Variants in HDLBP observed in about 807,000 individuals in gnomAD.
HDLBP encodes high density lipoprotein binding protein.
HDLBP carries 30 observed loss-of-function variants against 137.3 expected under a neutral mutation model. The ratio of observed to expected loss-of-function variants is 0.22; its 90% CI spans 0.16 to 0.30. The LOEUF (loss-of-function observed/expected upper bound fraction) is 0.30, where lower values mean the gene tolerates loss of function less well. HDLBP is among the 10% of genes least tolerant of loss of function. The pLI is 1.00. For missense variants in HDLBP, 1,119 were observed against 1,667.3 expected, an observed-to-expected ratio of 0.67 and a Z score of 5.73; for synonymous variants, 606 against 596.0, an observed-to-expected ratio of 1.02 and a Z score of -0.24.
rs542053344 is a variant in HDLBP at position 241,292,291 on chromosome 2, T to C, written c.-103+23279A>G. 7.3e-5 allele frequency among the ~76,000 whole-genome samples: 11 copies of C among 150,640 alleles called. No homozygotes were observed. The South Asian group carries it at 2.3e-3, about 31-fold the overall frequency. On this transcript the variant is annotated intron_variant, in intron 1 of 27. Transcript: ENST00000310931. ...CACATTAGATAGTGCCACAACACAG[T>C]CAACCAAATCCCAAACCTGGGACGT...
chr2:241,241,454 C>T (rs181438767), intron 17 of HDLBP, among the ~76,000 whole-genome samples: 2 of 151,772 alleles, frequency 1.3e-5, no homozygotes, highest in Non-Finnish European at 2.9e-5. Flanking sequence ...GTGGTCCCAG[C>T]TACTCGGGAG....
At chr2:241,231,093 G>A in intron 24 of HDLBP, 149 bp from the exon 25 acceptor site, 1 of 686,760 alleles carries the variant, frequency 1.5e-6, no homozygotes. Context: ...GGTTAACAAT[G>A]TCCACTCAGG....
rs983201477 is a variant in HDLBP, at chr2:241,273,063, G to A, written c.-102-4522C>T. The A allele has an allele frequency of 7.9e-5, 78 of 985,380 alleles. 1 individual carries two copies. Among genetic ancestry groups the A allele is most frequent in the Admixed American group, 3.1e-4 (5 of 16,274 alleles). 61.0% of individuals were successfully genotyped at this position (985,380 alleles called of 1,614,324 possible). On this transcript the variant is annotated intron_variant, in intron 1 of 27. Transcript: ENST00000310931. ...CCAGAAAGCAGAGGGAGCGCGCCCC[G>A]CAAGAACCCGAGTGGAAACAACCGA...
At chr2:241,258,419 G>A (rs1382016825) in intron 5 of HDLBP, among the ~76,000 whole-genome samples, 1 of 151,828 alleles carries the variant, frequency 6.6e-6, no homozygotes, top group Non-Finnish European at 1.5e-5. Flanking sequence ...AGCTACTGGG[G>A]TGGCTGAGGC....
rs1306008609 is a variant in HDLBP at position 241,233,011 on chromosome 2, G to A, written c.3288+809C>T. On this transcript the variant is annotated intron_variant, in intron 24 of 27. Coordinates refer to ENST00000310931, the MANE Select transcript of HDLBP (RefSeq NM_005336.6). This position sits in a 1 kb window ranked among gnomAD's most constrained non-coding sequence, Gnocchi z 4.3. ...AAGGGGAAGGGGAAGGGGAAGCAGC[G>A]GAAAACCCTGGGCGGCACATCCACA... Among the ~76,000 whole-genome samples the A allele has an allele frequency of 2.0e-5, 3 of 152,132 alleles. No individual in the cohort carries two copies. Among genetic ancestry groups the A allele is most frequent in the East Asian group, 1.9e-4 (1 of 5,164 alleles).
At chr2:241,275,069 A>T (rs2074339515) in intron 1 of HDLBP, among the ~76,000 whole-genome samples, 1 of 152,244 alleles carries the variant, frequency 6.6e-6, no homozygotes, top group Non-Finnish European at 1.5e-5. Context: ...GCTGGCAGAC[A>T]GAAGCATCTC....
At position 241,240,138 on chromosome 2, in the gene HDLBP, C is replaced by T. The variant is rs748022809; in HGVS notation, c.2170-16G>A. 13 of 1,612,534 alleles carry T rather than the reference C, an allele frequency of 8.1e-6. No homozygotes were observed. The highest frequency in any genetic ancestry group is 1.1e-5 in the Non-Finnish European group (13 of 1,178,598). ...TCTTGGTTTGCTGCAGAAACCAATC[C>T]CACTGTGTTAGCCTGACACCACGTG... On this transcript the variant is annotated splice_polypyrimidine_tract_variant and intron_variant, in intron 17 of 27. Coordinates refer to ENST00000310931, the MANE Select transcript of HDLBP (RefSeq NM_005336.6). The surrounding 1 kb of genome is among the most constrained non-coding windows in gnomAD (Gnocchi z 5.5).
Position 241,230,825 on chromosome 2 carries a change from G to A in HDLBP, c.3408C>T (p.His1136=). ...CACCAATGATGCGGGCGTGAACGCG[G>A]TGGTCCAGCGGGACGTCCTCAGAAA... ...QMVSEDVPLD[H]RVHARIIGAR... is the part of the protein sequence containing the mutation. Residue 1136 remains histidine (H), a synonymous_variant, in exon 25 of 28, where the codon CAC becomes CAT. Transcript: ENST00000310931. This position sits in a 1 kb window ranked among gnomAD's most constrained non-coding sequence, Gnocchi z 5.0. The A allele has an allele frequency of 6.2e-7, 1 of 1,614,212 alleles. No homozygotes were observed. Among genetic ancestry groups the A allele is most frequent in the African/African-American group, 1.3e-5 (1 of 75,070 alleles).
chr2:241,272,723 G>A lies in HDLBP; in HGVS notation c.-102-4182C>T, dbSNP rs1364411425. The A allele has an allele frequency of 1.1e-5, 4 of 367,316 alleles. No homozygotes were observed. Among genetic ancestry groups the A allele is most frequent in the African/African-American group, 5.2e-5 (1 of 19,306 alleles). 22.8% of individuals were successfully genotyped at this position (367,316 alleles called of 1,614,324 possible). ...GGCAGCCCGCCCGCCCCGTCCGCCC[G>A]CCCGCCCAGGCCTCCCAGCCCCGTG... is the stretch of plus-strand genomic sequence containing the variant. On this transcript the variant is annotated intron_variant, in intron 1 of 27. Transcript: ENST00000310931. The surrounding 1 kb of genome is among the most constrained non-coding windows in gnomAD (Gnocchi z 5.6).
At position 241,239,085 on chromosome 2, in the gene HDLBP, G is replaced by C. The variant is rs542622625; in HGVS notation, c.2611-298C>G. Among the ~76,000 whole-genome samples the C allele has an allele frequency of 6.6e-6, 1 of 152,228 alleles. No homozygotes were observed. Among genetic ancestry groups the C allele is most frequent in the East Asian group, 1.9e-4 (1 of 5,168 alleles). On this transcript the variant is annotated intron_variant, in intron 19 of 27. Coordinates refer to ENST00000310931, the MANE Select transcript of HDLBP (RefSeq NM_005336.6). The surrounding 1 kb of genome is among the most constrained non-coding windows in gnomAD (Gnocchi z 4.6). ...GGGTAGCCTCTGACTCCATGAGGAG[G>C]CATCAGACTTGATTATTAGGGAAAG...
At chr2:241,297,388 A>G (rs113800348) in intron 1 of HDLBP, among the ~76,000 whole-genome samples, 1 of 152,356 alleles carries the variant, frequency 6.6e-6, no homozygotes, top group African/African-American at 2.4e-5. Flanking sequence ...ATCCACTTGG[A>G]AAGCGAGAAA....
Position 241,239,372 on chromosome 2 carries a change from CT to C in HDLBP, c.2610+229del. ...CTCCCCTCTCCTCTTCTCCTTCTCT[CT>C]CTCTTTTTTTTTTTAAGTGCTTCTC... On this transcript the variant is annotated intron_variant, in intron 19 of 27. Transcript: ENST00000310931. The surrounding 1 kb of genome is among the most constrained non-coding windows in gnomAD (Gnocchi z 4.6). Among the ~76,000 whole-genome samples, 1 of 152,150 alleles carries C rather than the reference CT, an allele frequency of 6.6e-6. No individual in the cohort carries two copies. The highest frequency in any genetic ancestry group is 1.5e-5 in the Non-Finnish European group (1 of 67,986).
intron 23 of HDLBP, among the ~76,000 whole-genome samples, chr2:241,234,202 T>C (rs1442208666): frequency 6.6e-6 from 1 of 152,198 alleles, no homozygotes; most frequent in African/African-American, 2.4e-5. Context: ...AAAAGAGGGC[T>C]TGGGACCACT....
chr2:241,272,821 C>T lies in HDLBP; in HGVS notation c.-102-4280G>A. ...TACTCGCCCCCCGCGCGGGAGAAGC[C>T]GGGACGCTCCGAGGCGCGGCGCCCG... is the stretch of plus-strand genomic sequence containing the variant. On this transcript the variant is annotated intron_variant, in intron 1 of 27. Transcript: ENST00000310931. The surrounding 1 kb of genome is among the most constrained non-coding windows in gnomAD (Gnocchi z 5.6). 1 of 280,084 alleles carries T rather than the reference C, an allele frequency of 3.6e-6. No homozygotes were observed. The highest frequency in any genetic ancestry group is 2.3e-5 in the African/African-American group (1 of 43,606). The allele number at this position is 280,084 out of a possible 1,614,324, so 17.3% of individuals were successfully genotyped here. A position where few individuals can be genotyped will look rare whatever the true frequency, so the allele number is the denominator to read the frequency against.
chr2:241,300,950 C>CTATTATTATTAT (rs66491533), intron 1 of HDLBP, among the ~76,000 whole-genome samples: 27 of 143,906 alleles, frequency 1.9e-4, no homozygotes, highest in Admixed American at 4.2e-4. Flanking sequence ...TGCACACATA[C>CTATTATTATTAT]TATTATTATT....
Position 241,272,156 on chromosome 2 carries a change from C to A in HDLBP, c.-102-3615G>T, listed in dbSNP as rs1286646974. ...CCCAAGAAGAGCAGCTTTCCCCACC[C>A]CCGAACACGTAGACTGACGCGGGCC... On this transcript the variant is annotated intron_variant, in intron 1 of 27. Transcript: ENST00000310931. This position sits in a 1 kb window ranked among gnomAD's most constrained non-coding sequence, Gnocchi z 5.6. 19 of 984,760 alleles carry A rather than the reference C, an allele frequency of 1.9e-5. No homozygotes were observed. Among genetic ancestry groups the A allele is most frequent in the Non-Finnish European group, 2.2e-5 (18 of 829,422 alleles). 61.0% of individuals were successfully genotyped at this position (984,760 alleles called of 1,614,324 possible). A position where few individuals can be genotyped will look rare whatever the true frequency, so the allele number is the denominator to read the frequency against.
chr2:241,277,364 T>A (rs896266378), intron 1 of HDLBP, among the ~76,000 whole-genome samples: 1 of 152,076 alleles, frequency 6.6e-6, no homozygotes, highest in African/African-American at 2.4e-5. Flanking sequence ...AAAAGACATA[T>A]ACCACAAAGG....
chr2:241,286,322 G>A lies in HDLBP; in HGVS notation c.-102-17781C>T, dbSNP rs189568000. Among the ~76,000 whole-genome samples the A allele has an allele frequency of 8.7e-3, 1,324 of 152,236 alleles. 18 individuals are homozygous for A. The highest frequency in any genetic ancestry group is 0.031 in the African/African-American group (1,273 of 41,534). ...GGCCCCCAAATCACTAAGTTAAAAG[G>A]AAAAGTCTAGCTGGGAACTGCTTAG... On this transcript the variant is annotated intron_variant, in intron 1 of 27. Transcript: ENST00000310931.
At position 241,227,764 on chromosome 2, in the gene HDLBP, A is replaced by G. The variant is rs2069268997; in HGVS notation, c.*1837T>C. On this transcript the variant is annotated 3_prime_UTR_variant, in exon 28 of 28. Transcript: ENST00000310931. ...TGGAGATTGGGGGGAGCTGGAAGCA[A>G]GCAGCCAACAGGACAGAGTTCCAGA... 1 of 152,516 alleles carries G rather than the reference A, an allele frequency of 6.6e-6. No homozygotes were observed. Among genetic ancestry groups the G allele is most frequent in the Admixed American group, 6.5e-5 (1 of 15,274 alleles). 9.4% of individuals were successfully genotyped at this position (152,516 alleles called of 1,614,324 possible). A position where few individuals can be genotyped will look rare whatever the true frequency, so the allele number is the denominator to read the frequency against.
Sources: gnomAD v4.1 joint callset for allele counts (sites outside exome capture counted in the v4.1 genomes callset) on GRCh38, gnomAD v4.1.1 for gene constraint, Gnocchi (gnomAD v3.1) non-coding constraint, MANE v1.5 for transcripts, NCBI Gene and HGNC (gene_info 2026-07-23, HGNC 2026-07-21) for gene names.